Variants in CNTN5 observed in about 807,000 individuals in gnomAD.
CNTN5 encodes contactin 5, also known as contactin-5.
A neutral mutation model predicts 129.1 loss-of-function variants in CNTN5; 77 were observed. The ratio of observed to expected loss-of-function variants is 0.60; its 90% CI spans 0.50 to 0.72. The LOEUF (loss-of-function observed/expected upper bound fraction) is 0.72. Among genes scored for constraint, CNTN5 ranks in the 30% least tolerant of loss-of-function variants. The probability of loss-of-function intolerance (pLI) is 0.00; values close to 1 mark genes in which losing one functional copy is unlikely to be tolerated. For synonymous variants in CNTN5, 509 were observed against 465.6 expected (o/e 1.09, Z -1.20); for missense variants, 1,478 against 1,328.8 (o/e 1.11, Z -1.75).
In CNTN5 at chr11:100,356,753, A is replaced by G. The variant is rs200584061; in HGVS notation, c.*533A>G. On this transcript the variant is annotated 3_prime_UTR_variant, in exon 25 of 25. Transcript: ENST00000524871. ...GTCCATTATAAGATAAGTACACAAA[A>G]ATTTTCTTGAAAAATATTGTATGAT... 2 of 154,502 alleles carry G rather than the reference A, an allele frequency of 1.3e-5. No individual in the cohort carries two copies. The highest frequency in any genetic ancestry group is 2.9e-5 in the Non-Finnish European group (2 of 69,588). The allele number at this position is 154,502 out of a possible 1,614,324, so 9.6% of individuals were successfully genotyped here. A position where few individuals can be genotyped will look rare whatever the true frequency, so the allele number is the denominator to read the frequency against.
At chr11:99,861,743 A>G (rs11221681) in intron 6 of CNTN5, among the ~76,000 whole-genome samples, 2 of 152,306 alleles carry the variant, frequency 1.3e-5, no homozygotes, top group East Asian at 1.9e-4. Context: ...TTAGCTTCTA[A>G]AATAAGCACA....
intron 13 of CNTN5, among the ~76,000 whole-genome samples, chr11:100,116,421 T>G (rs977066904): frequency 4.0e-5 from 6 of 151,878 alleles, no homozygotes; most frequent in African/African-American, 1.5e-4. Context: ...TAAAAAAAAT[T>G]TGGTGATTAT....
chr11:99,507,791 T>C (rs1213640113), intron 2 of CNTN5, among the ~76,000 whole-genome samples: 1 of 152,184 alleles, frequency 6.6e-6, no homozygotes, highest in African/African-American at 2.4e-5. Context: ...TCCAAGTGCT[T>C]TCTTCCAGCT....
intron 1 of CNTN5, among the ~76,000 whole-genome samples, chr11:99,045,660 T>G (rs1452187475): frequency 6.6e-6 from 1 of 152,220 alleles, no homozygotes; most frequent in Admixed American, 6.5e-5. Context: ...TATTGCCAGA[T>G]AGAAGTATCA....
At chr11:99,368,807 G>T (rs773999351) in intron 2 of CNTN5, among the ~76,000 whole-genome samples, 3 of 152,058 alleles carry the variant, frequency 2.0e-5, no homozygotes, top group Non-Finnish European at 2.9e-5. Context: ...AACAGGCGAC[G>T]AAGAATTATT....
chr11:99,949,242 G>C (rs1421299873), intron 7 of CNTN5, among the ~76,000 whole-genome samples: 1 of 151,984 alleles, frequency 6.6e-6, no homozygotes, highest in Non-Finnish European at 1.5e-5. Flanking sequence ...TGTTGTTGTC[G>C]TTATGCCCAC....
intron 13 of CNTN5, among the ~76,000 whole-genome samples, chr11:100,134,995 A>G (rs1946479300): frequency 6.6e-6 from 1 of 152,062 alleles, no homozygotes; most frequent in Non-Finnish European, 1.5e-5. Context: ...CTCAGTATAT[A>G]TTGGTTTGAT....
At chr11:99,703,682 C>T (rs1954627080) in intron 3 of CNTN5, among the ~76,000 whole-genome samples, 1 of 150,896 alleles carries the variant, frequency 6.6e-6, no homozygotes, top group South Asian at 2.1e-4. Context: ...AAGCCACAGA[C>T]ATATCTAATG....
intron 9 of CNTN5, among the ~76,000 whole-genome samples, chr11:100,006,843 A>G (rs992685768): frequency 6.6e-6 from 1 of 152,112 alleles, no homozygotes; most frequent in East Asian, 1.9e-4. Flanking sequence ...ATAATTACCT[A>G]TGGAATCTCT....
At chr11:99,332,005 A>G (rs1163735283) in intron 2 of CNTN5, among the ~76,000 whole-genome samples, 7 of 152,132 alleles carry the variant, frequency 4.6e-5, no homozygotes, top group Non-Finnish European at 8.8e-5. Flanking sequence ...CCCAGCCACA[A>G]TCAGCTGACC....
chr11:99,910,373 T>G (rs1005819331), intron 6 of CNTN5, among the ~76,000 whole-genome samples: 19 of 152,238 alleles, frequency 1.2e-4, no homozygotes, highest in African/African-American at 4.6e-4. Context: ...CTAGAGTGTG[T>G]TATGGTAGCC....
chr11:99,458,414 T>C (rs983613392), intron 2 of CNTN5, among the ~76,000 whole-genome samples: 2 of 151,906 alleles, frequency 1.3e-5, no homozygotes, highest in East Asian at 3.9e-4. Flanking sequence ...CACATGAGAA[T>C]TGCGCTATAA....
chr11:99,523,271 G>A (rs1480750919), intron 2 of CNTN5, among the ~76,000 whole-genome samples: 1 of 152,088 alleles, frequency 6.6e-6, no homozygotes. Context: ...TGAACATACT[G>A]GTACAGTAAA....
intron 3 of CNTN5, among the ~76,000 whole-genome samples, chr11:99,715,530 C>G (rs557408942): frequency 6.6e-6 from 1 of 151,948 alleles, no homozygotes; most frequent in South Asian, 2.1e-4. Flanking sequence ...GAACAGGAAA[C>G]AGAGTGAACC....
At chr11:99,110,363 TA>T (rs1261827181) in intron 1 of CNTN5, among the ~76,000 whole-genome samples, 1 of 152,146 alleles carries the variant, frequency 6.6e-6, no homozygotes, top group African/African-American at 2.4e-5. Context: ...GCTGATTTAG[TA>T]TGGAATATCT....
intron 9 of CNTN5, among the ~76,000 whole-genome samples, chr11:100,021,725 T>C (rs1941160926): frequency 6.6e-6 from 1 of 152,028 alleles, no homozygotes; most frequent in Admixed American, 6.6e-5. Flanking sequence ...CAAGGTGAAG[T>C]CCCACAGTAG....
At chr11:99,749,053 G>C (rs1395793361) in intron 3 of CNTN5, among the ~76,000 whole-genome samples, 5 of 152,158 alleles carry the variant, frequency 3.3e-5, no homozygotes, top group Admixed American at 3.3e-4. Flanking sequence ...CTTATCATTA[G>C]CATGTGTATT....
intron 1 of CNTN5, among the ~76,000 whole-genome samples, chr11:99,037,814 A>C (rs1487091497): frequency 2.6e-5 from 4 of 151,538 alleles, no homozygotes; most frequent in Non-Finnish European, 5.9e-5. Context: ...TCCTGACCTC[A>C]TGATCCAAAA....
At chr11:100,019,674 T>G (rs1170445954) in intron 9 of CNTN5, among the ~76,000 whole-genome samples, 1 of 152,042 alleles carries the variant, frequency 6.6e-6, no homozygotes, top group African/African-American at 2.4e-5. Flanking sequence ...ATCTTTAAAA[T>G]GCTGATTTCA....
Sources: allele counts gnomAD v4.1 joint callset (sites outside exome capture counted in the v4.1 genomes callset), GRCh38; gene constraint gnomAD v4.1.1; transcripts MANE v1.5; gene names NCBI Gene and HGNC (gene_info 2026-07-23, HGNC 2026-07-21).